MYO18B: variants seen among roughly 807,000 people sequenced by gnomAD.
MYO18B encodes the protein myosin XVIIIB.
A neutral mutation model predicts 273.0 loss-of-function variants in MYO18B; 204 were observed. The ratio of observed to expected loss-of-function variants is 0.75; its 90% CI spans 0.67 to 0.84. MYO18B has a LOEUF of 0.84. MYO18B is among the 40% of genes least tolerant of loss of function. The pLI, the probability that MYO18B is intolerant of heterozygous loss-of-function variation, is 0.00. For synonymous variants in MYO18B, 1,330 were observed against 1,305.7 expected (o/e 1.02, Z -0.40); for missense variants, 3,212 against 3,287.6 (o/e 0.98, Z 0.56).
chr22:26,004,020 A>G (rs1010022563), intron 41 of MYO18B, among the ~76,000 whole-genome samples: 31 of 151,580 alleles, frequency 2.0e-4, no homozygotes, highest in African/African-American at 6.0e-4. Flanking sequence ...GACAGGGTCA[A>G]TGTTAAGTTC....
Position 26,003,369 on chromosome 22 carries a change from T to C in MYO18B, c.6332+60T>C, listed in dbSNP as rs1934151717. ...AAGGGTGAGCCCCTGGCTCTCTCTGTCCAGTTTGCAGAGGGAACATCCATG... is the reference window on the plus strand; with the variant it reads ...AAGGGTGAGCCCCTGGCTCTCTCTGCCCAGTTTGCAGAGGGAACATCCATG... On this transcript the variant is annotated intron_variant, in intron 41 of 43. Coordinates refer to ENST00000335473, the MANE Select transcript of MYO18B (RefSeq NM_032608.7). The C allele has an allele frequency of 2.7e-6, 4 of 1,474,742 alleles. No individual in the cohort carries two copies. The Admixed American group carries it at 7.6e-5, about 28-fold the overall frequency. The allele number at this position is 1,474,742 out of a possible 1,614,324, so 91.4% of individuals were successfully genotyped here. A position where few individuals can be genotyped will look rare whatever the true frequency, so the allele number is the denominator to read the frequency against.
intron 38 of MYO18B, among the ~76,000 whole-genome samples, chr22:25,953,793 C>A (rs1280538712): frequency 6.6e-6 from 1 of 152,204 alleles, no homozygotes; most frequent in African/African-American, 2.4e-5. Flanking sequence ...TGGAAAAATT[C>A]TATCTCCAAA....
chr22:25,796,044 A>C (rs1389094499), intron 11 of MYO18B, among the ~76,000 whole-genome samples: 5 of 152,234 alleles, frequency 3.3e-5, no homozygotes, highest in Non-Finnish European at 7.3e-5. Context: ...TTCTCTAAGC[A>C]GGCCAAGTGC....
intron 42 of MYO18B, among the ~76,000 whole-genome samples, chr22:26,013,684 T>C (rs2146956190): frequency 6.6e-6 from 1 of 152,360 alleles, no homozygotes; most frequent in African/African-American, 2.4e-5. Flanking sequence ...ACGCCTGGTT[T>C]TGTTATTTAA....
chr22:25,960,710 ATCTT>A (rs1555967896), intron 39 of MYO18B, among the ~76,000 whole-genome samples: 3 of 151,884 alleles, frequency 2.0e-5, no homozygotes, highest in Non-Finnish European at 4.4e-5. Flanking sequence ...TGCTCACTCT[ATCTT>A]TATTTAAGCA....
chr22:26,016,367 A>G (rs776404370), intron 42 of MYO18B, among the ~76,000 whole-genome samples: 1 of 150,816 alleles, frequency 6.6e-6, no homozygotes, highest in Non-Finnish European at 1.5e-5. Flanking sequence ...GAGGGGTTCA[A>G]ACCAGATGAG....
chr22:25,844,243 A>C (rs1277759695), intron 18 of MYO18B, among the ~76,000 whole-genome samples: 1 of 152,212 alleles, frequency 6.6e-6, no homozygotes. Flanking sequence ...CATAAAACTG[A>C]AATGATACGT....
At chr22:25,873,506 T>C (rs1431482299) in intron 22 of MYO18B, among the ~76,000 whole-genome samples, 1 of 152,224 alleles carries the variant, frequency 6.6e-6, no homozygotes. Flanking sequence ...AATGGCACTA[T>C]CTTGGCTCAC....
At chr22:25,786,716 G>A (rs1466223474) in intron 11 of MYO18B, among the ~76,000 whole-genome samples, 1 of 152,164 alleles carries the variant, frequency 6.6e-6, no homozygotes, top group African/African-American at 2.4e-5. Flanking sequence ...CTCTCTTAAA[G>A]TCACTATTAG....
chr22:25,934,151 G>C (rs907704745), intron 34 of MYO18B, among the ~76,000 whole-genome samples: 4 of 152,042 alleles, frequency 2.6e-5, no homozygotes, highest in Non-Finnish European at 5.9e-5. Context: ...TTATTTTTCT[G>C]TTGGGTTGTT....
rs149627931 is a variant in MYO18B, at chr22:25,908,348, C to G, written c.5175C>G (p.Ile1725Met). 2 of 1,595,554 alleles carry G rather than the reference C, an allele frequency of 1.3e-6. No individual in the cohort carries two copies. Among genetic ancestry groups the G allele is most frequent in the Admixed American group, 1.7e-5 (1 of 57,446 alleles). Residue 1725 changes from isoleucine (I) to methionine (M), a missense_variant, in exon 32 of 44, where the codon ATC becomes ATG. Physicochemically the swap from Ile to Met is conservative, Grantham distance 10. Coordinates refer to ENST00000335473, the MANE Select transcript of MYO18B (RefSeq NM_032608.7). Reference protein sequence around the residue: ...EQLRQRFELEIERMKQMHQKD... With the variant: ...EQLRQRFELEMERMKQMHQKD... Reference sequence around the variant, plus strand: ...TCCGCCAGCGGTTTGAGCTGGAGATCGAGCGGATGAAGCAGATGCACCAGA... The same window carrying G: ...TCCGCCAGCGGTTTGAGCTGGAGATGGAGCGGATGAAGCAGATGCACCAGA...
chr22:25,969,403 G>A (rs761631579), intron 39 of MYO18B, among the ~76,000 whole-genome samples: 15 of 152,200 alleles, frequency 9.9e-5, no homozygotes, highest in Non-Finnish European at 1.9e-4. Context: ...CCCTGAGGCA[G>A]CACCATAAAA....
chr22:25,931,303 G>A (rs1300118720), intron 34 of MYO18B, among the ~76,000 whole-genome samples: 1 of 152,194 alleles, frequency 6.6e-6, no homozygotes, highest in African/African-American at 2.4e-5. Context: ...GTGGGAAGAG[G>A]CTGGTTTCAT....
chr22:25,934,066 C>G (rs1231590675), intron 34 of MYO18B, among the ~76,000 whole-genome samples: 1 of 152,162 alleles, frequency 6.6e-6, no homozygotes, highest in East Asian at 1.9e-4. Flanking sequence ...TTCTATTTTG[C>G]ACTTCTCTGA....
intron 23 of MYO18B, among the ~76,000 whole-genome samples, chr22:25,874,640 C>T (rs2091142404): frequency 6.6e-6 from 1 of 152,150 alleles, no homozygotes; most frequent in African/African-American, 2.4e-5. Context: ...TTGTCCAAGC[C>T]CTCCTGGGCT....
intron 31 of MYO18B, among the ~76,000 whole-genome samples, chr22:25,904,158 A>T (rs765565753): frequency 6.6e-6 from 1 of 152,184 alleles, no homozygotes; most frequent in Admixed American, 6.5e-5. Context: ...AGTATTTTTT[A>T]AAAGTTTGCT....
intron 40 of MYO18B, 45 bp from the exon 41 acceptor site, chr22:26,003,220 C>T: frequency 6.4e-7 from 1 of 1,556,376 alleles, no homozygotes; most frequent in Non-Finnish European, 8.8e-7. Flanking sequence ...TTCCAAGCCC[C>T]TGGCAGCACG....
At chr22:26,009,848 C>G (rs747330352) in intron 42 of MYO18B, among the ~76,000 whole-genome samples, 2 of 152,168 alleles carry the variant, frequency 1.3e-5, no homozygotes, top group Non-Finnish European at 2.9e-5. Context: ...GATTTTGGCT[C>G]TGCAGCTTTC....
intron 12 of MYO18B, among the ~76,000 whole-genome samples, chr22:25,801,159 G>T (rs973033414): frequency 2.6e-5 from 4 of 151,880 alleles, no homozygotes; most frequent in African/African-American, 7.3e-5. Context: ...TCATTAAAAT[G>T]ATACTCCCTT....
Sources: gnomAD v4.1 joint callset for allele counts (sites outside exome capture counted in the v4.1 genomes callset) on GRCh38, gnomAD v4.1.1 for gene constraint, MANE v1.5 for transcripts, NCBI Gene and HGNC (gene_info 2026-07-23, HGNC 2026-07-21) for gene names.